ADCY5: variants seen among roughly 807,000 people sequenced by gnomAD.
The protein encoded by ADCY5 is adenylate cyclase 5.
Under a neutral mutation model 119.7 loss-of-function variants are expected in ADCY5, and 30 were observed. That is an observed-to-expected ratio of 0.25 (90% CI 0.19 to 0.34). ADCY5 has a LOEUF of 0.34. ADCY5 is among the 10% of genes least tolerant of loss of function. The pLI is 1.00. For synonymous variants in ADCY5, 753 were observed against 762.2 expected, an observed-to-expected ratio of 0.99 and a Z score of 0.20; for missense variants, 1,324 against 1,775.2, an observed-to-expected ratio of 0.75 and a Z score of 4.57.
In ADCY5 at chr3:123,448,315, G is replaced by A. The variant is rs1426673432; in HGVS notation, c.231C>T (p.Asp77=). 6.5e-7 allele frequency: 1 copy of A among 1,538,522 alleles called. No homozygotes were observed. The highest frequency in any genetic ancestry group is 1.9e-5 in the Admixed American group (1 of 52,930). The stretch of plus-strand genomic sequence containing the variant: ...CACCGCTCAGCGGAGGATCGTCGTC[G>A]TCGTCGCTGCGCCAGCGGCTGGCCA... ...QRLASRWRSD[D]DDDPPLSGDD... The change falls in exon 1 of 21, where the codon GAC becomes GAT. Residue 77 remains aspartate (D), a synonymous_variant. Transcript: ENST00000462833.
chr3:123,327,141 C>G (rs1941530083), intron 7 of ADCY5, among the ~76,000 whole-genome samples: 1 of 152,038 alleles, frequency 6.6e-6, no homozygotes, highest in Admixed American at 6.5e-5. Flanking sequence ...CAAGTGTGGG[C>G]TGAGACAAAG....
intron 1 of ADCY5, among the ~76,000 whole-genome samples, chr3:123,376,270 C>T (rs753870129): frequency 8.2e-5 from 12 of 146,466 alleles, no homozygotes; most frequent in Non-Finnish European, 1.5e-4. Context: ...CTCCTCATCA[C>T]CATCGCTGCC....
At position 123,371,133 on chromosome 3, in the gene ADCY5, G is replaced by A. The variant is rs534980797; in HGVS notation, c.1135-18552C>T. ...CCAGAGGAAAGAAGGAGTGAGCTCTGCAGTATCTCAAGAAGACGAAGCATG... is the reference window on the plus strand; with the variant it reads ...CCAGAGGAAAGAAGGAGTGAGCTCTACAGTATCTCAAGAAGACGAAGCATG... On this transcript the variant is annotated intron_variant, in intron 1 of 20. Transcript: ENST00000462833. 2.6e-5 allele frequency among the ~76,000 whole-genome samples: 4 copies of A among 152,336 alleles called. No individual in the cohort carries two copies. In the South Asian group the frequency reaches 6.2e-4, roughly 24 times the overall value.
At chr3:123,304,478 G>A (rs983522568) in intron 12 of ADCY5, among the ~76,000 whole-genome samples, 2 of 152,166 alleles carry the variant, frequency 1.3e-5, no homozygotes, top group Non-Finnish European at 2.9e-5. Context: ...ACCCAACAGA[G>A]AAATCAATAA....
chr3:123,286,560 A>T lies in ADCY5; in HGVS notation c.3657+125T>A. 7.4e-7 allele frequency: 1 copy of T among 1,348,148 alleles called. No homozygotes were observed. The highest frequency in any genetic ancestry group is 1.0e-6 in the Non-Finnish European group (1 of 1,000,502). 83.5% of individuals were successfully genotyped at this position (1,348,148 alleles called of 1,614,324 possible). ...CCAAGACATCAGCGTCAACAGCCCC[A>T]TCACCCTTGAATCTGGCTGCAGACA... On this transcript the variant is annotated intron_variant, in intron 20 of 20. Coordinates refer to ENST00000462833, the MANE Select transcript of ADCY5 (RefSeq NM_183357.3). The surrounding 1 kb of genome is among the most constrained non-coding windows in gnomAD (Gnocchi z 4.2).
intron 1 of ADCY5, among the ~76,000 whole-genome samples, chr3:123,385,479 C>G (rs1378958893): frequency 6.6e-6 from 1 of 152,160 alleles, no homozygotes; most frequent in Non-Finnish European, 1.5e-5. Context: ...GACACATAGT[C>G]TTGGTGCCTA....
intron 1 of ADCY5, among the ~76,000 whole-genome samples, chr3:123,358,092 A>C (rs1465451407): frequency 1.3e-5 from 2 of 151,990 alleles, no homozygotes; most frequent in Non-Finnish European, 2.9e-5. Context: ...AACAGGGCCT[A>C]ATTAAGGGTT....
intron 12 of ADCY5, among the ~76,000 whole-genome samples, chr3:123,307,721 T>C (rs1313364368): frequency 1.3e-5 from 2 of 152,182 alleles, no homozygotes; most frequent in Non-Finnish European, 2.9e-5. Context: ...CATCCACTGA[T>C]TGAGAGGCTT....
intron 12 of ADCY5, among the ~76,000 whole-genome samples, chr3:123,312,557 C>T (rs1940643995): frequency 6.6e-6 from 1 of 152,232 alleles, no homozygotes; most frequent in African/African-American, 2.4e-5. Context: ...CACCTGTTCT[C>T]CCTCCTGCCA....
At chr3:123,294,999 C>A (rs532199690) in intron 17 of ADCY5, among the ~76,000 whole-genome samples, 1 of 152,292 alleles carries the variant, frequency 6.6e-6, no homozygotes, top group South Asian at 2.1e-4. Context: ...GGTGCCCCAG[C>A]CCAGGGCTTC....
chr3:123,440,664 A>T (rs970995963), intron 1 of ADCY5, among the ~76,000 whole-genome samples: 2 of 150,574 alleles, frequency 1.3e-5, no homozygotes, highest in Non-Finnish European at 3.0e-5. Context: ...CATTCTCCAC[A>T]CTCTATACCA....
At position 123,374,483 on chromosome 3, in the gene ADCY5, T is replaced by C. The variant is rs539072683; in HGVS notation, c.1135-21902A>G. Reference sequence around the variant, plus strand: ...TCATCTAATCCTCGGGACAACACTATGGGCTGGGTGTAATTAGAATTCTCA... The same window carrying C: ...TCATCTAATCCTCGGGACAACACTACGGGCTGGGTGTAATTAGAATTCTCA... On this transcript the variant is annotated intron_variant, in intron 1 of 20. Coordinates refer to ENST00000462833, the MANE Select transcript of ADCY5 (RefSeq NM_183357.3). Among the ~76,000 whole-genome samples, 26 of 152,278 alleles carry C rather than the reference T, an allele frequency of 1.7e-4. No individual in the cohort carries two copies. The South Asian group carries it at 1.9e-3, about 11-fold the overall frequency.
intron 1 of ADCY5, among the ~76,000 whole-genome samples, chr3:123,441,028 A>AT (rs1945713040): frequency 6.6e-6 from 1 of 152,208 alleles, no homozygotes; most frequent in South Asian, 2.1e-4. Flanking sequence ...GATGGGCATG[A>AT]TAAGAGGACA....
intron 13 of ADCY5, 135 bp from the exon 14 acceptor site, chr3:123,303,354 T>C (rs1939968314): frequency 4.0e-6 from 4 of 1,002,510 alleles, no homozygotes; most frequent in Non-Finnish European, 4.4e-6. Flanking sequence ...GGACAAAATC[T>C]GAAAGAGTCT....
intron 1 of ADCY5, among the ~76,000 whole-genome samples, chr3:123,427,511 A>G (rs139621557): frequency 1.3e-5 from 2 of 152,090 alleles, no homozygotes; most frequent in Non-Finnish European, 2.9e-5. Flanking sequence ...GCCCTTTCCC[A>G]TGTCTCTGCA....
At chr3:123,407,493 A>G (rs1034173033) in intron 1 of ADCY5, among the ~76,000 whole-genome samples, 11 of 151,208 alleles carry the variant, frequency 7.3e-5, no homozygotes, top group African/African-American at 2.2e-4. Flanking sequence ...GCTCATCCCT[A>G]TCATCTCAGC....
intron 1 of ADCY5, among the ~76,000 whole-genome samples, chr3:123,440,897 TG>T (rs1238903049): frequency 6.6e-6 from 1 of 152,238 alleles, no homozygotes; most frequent in East Asian, 1.9e-4. Context: ...ACCACCACTA[TG>T]ACCCAATCGC....
chr3:123,350,167 T>A (rs1414667345), intron 2 of ADCY5, among the ~76,000 whole-genome samples: 1 of 152,190 alleles, frequency 6.6e-6, no homozygotes, highest in Admixed American at 6.5e-5. Context: ...GGTCTCCCTT[T>A]TCCCAGGAGG....
intron 1 of ADCY5, among the ~76,000 whole-genome samples, chr3:123,384,732 C>T (rs1378613767): frequency 6.6e-6 from 1 of 152,206 alleles, no homozygotes; most frequent in Admixed American, 6.5e-5. Flanking sequence ...CACCTTCCCA[C>T]TCTGAAGTGC....
Sources: allele counts gnomAD v4.1 joint callset (sites outside exome capture counted in the v4.1 genomes callset), GRCh38; gene constraint gnomAD v4.1.1; non-coding constraint Gnocchi (gnomAD v3.1); transcripts MANE v1.5; gene names NCBI Gene and HGNC (gene_info 2026-07-23, HGNC 2026-07-21).